MMP26: variants seen among roughly 807,000 people sequenced by gnomAD.
MMP26 encodes the protein matrix metallopeptidase 26.
Under a neutral mutation model 31.0 loss-of-function variants are expected in MMP26, and 33 were observed. That is an observed-to-expected ratio of 1.06 (90% CI 0.81 to 1.42). The LOEUF (loss-of-function observed/expected upper bound fraction) is 1.42. MMP26 is among the 40% of genes most tolerant of loss of function. The pLI, the probability that MMP26 is intolerant of heterozygous loss-of-function variation, is 0.00. For missense variants in MMP26, 347 were observed against 316.1 expected (o/e 1.10, Z -0.74); for synonymous variants, 122 against 114.9 (o/e 1.06, Z -0.40).
At chr11:4,914,139 A>T (rs181304713) in intron 2 of MMP26, 1 of 152,328 alleles carries the variant, frequency 6.6e-6, no homozygotes, top group Non-Finnish European at 1.5e-5. Flanking sequence ...CTATCTGAGG[A>T]TTCTCTACTC....
chr11:4,726,208 G>A (rs1313670181), intron 1 of MMP26, among the ~76,000 whole-genome samples: 2 of 152,138 alleles, frequency 1.3e-5, no homozygotes, highest in African/African-American at 4.8e-5. Context: ...CGGGCATGGT[G>A]GCTCACACCT....
intron 2 of MMP26, among the ~76,000 whole-genome samples, chr11:4,824,109 T>G (rs1240335462): frequency 1.3e-5 from 2 of 152,096 alleles, no homozygotes; most frequent in Non-Finnish European, 2.9e-5. Context: ...GGTAGTAGCA[T>G]TGTGGGACAC....
chr11:4,974,700 T>C (rs1318796622), intron 2 of MMP26, among the ~76,000 whole-genome samples: 1 of 152,132 alleles, frequency 6.6e-6, no homozygotes, highest in Non-Finnish European at 1.5e-5. Flanking sequence ...TTCTTAACTC[T>C]GTATACACCT....
At chr11:4,780,353 G>T (rs888421934) in intron 2 of MMP26, among the ~76,000 whole-genome samples, 3 of 151,820 alleles carry the variant, frequency 2.0e-5, no homozygotes, top group Non-Finnish European at 4.4e-5. Flanking sequence ...ACTTAGTATT[G>T]TCTCCAATTT....
chr11:4,937,313 GTTGCCACT>G (rs1300105726), intron 2 of MMP26: 3 of 152,150 alleles, frequency 2.0e-5, no homozygotes, highest in African/African-American at 7.2e-5. Context: ...CGTCTATTTA[GTTGCCACT>G]TATACATTCA....
At position 4,870,464 on chromosome 11, in the gene MMP26, C is replaced by A. The variant is rs890172891; in HGVS notation, c.-145+103123C>A. Among the ~76,000 whole-genome samples the A allele has an allele frequency of 3.3e-5, 5 of 151,820 alleles. No homozygotes were observed. In the East Asian group the frequency reaches 9.7e-4, roughly 29 times the overall value. The stretch of plus-strand genomic sequence containing the variant: ...TTGAAATATTTTACTGTGATTTAGA[C>A]AATATTAATGTGAAGTAGAGAGTGA... On this transcript the variant is annotated intron_variant, in intron 2 of 7. Transcript: ENST00000380390.
chr11:4,908,487 G>A (rs975465816), intron 2 of MMP26: 1 of 623,414 alleles, frequency 1.6e-6, no homozygotes, highest in South Asian at 1.9e-5. Context: ...AAAAAGTCAA[G>A]AGATATATAA....
chr11:4,923,332 C>T (rs765076793), intron 2 of MMP26: 1 of 1,514,508 alleles, frequency 6.6e-7, no homozygotes, highest in South Asian at 1.3e-5. Flanking sequence ...CAAACAGAAA[C>T]CTGTGGGCTT....
intron 2 of MMP26, among the ~76,000 whole-genome samples, chr11:4,919,670 A>T (rs769919045): frequency 5.3e-5 from 8 of 152,112 alleles, no homozygotes; most frequent in Non-Finnish European, 1.2e-4. Context: ...ATATGGCATA[A>T]CCCCAATTTA....
chr11:4,980,698 T>C (rs185695241), intron 2 of MMP26, among the ~76,000 whole-genome samples: 3 of 152,138 alleles, frequency 2.0e-5, no homozygotes, highest in Non-Finnish European at 4.4e-5. Flanking sequence ...GAAGAAATTA[T>C]TTGAAGAAAA....
chr11:4,939,332 A>G (rs1846174662), intron 2 of MMP26, among the ~76,000 whole-genome samples: 1 of 152,110 alleles, frequency 6.6e-6, no homozygotes, highest in East Asian at 1.9e-4. Context: ...CACTTCACTT[A>G]TTTCATCAAA....
intron 2 of MMP26, chr11:4,912,940 AT>A (rs1023086749): frequency 1.3e-5 from 2 of 148,562 alleles, no homozygotes; most frequent in African/African-American, 2.5e-5. Flanking sequence ...ACTCTTTCAA[AT>A]TGGAAAAGAA....
intron 2 of MMP26, among the ~76,000 whole-genome samples, chr11:4,927,776 T>C (rs2133587768): frequency 6.6e-6 from 1 of 152,250 alleles, no homozygotes; most frequent in African/African-American, 2.4e-5. Flanking sequence ...CAGGGGCCTT[T>C]CCCAAGTCTG....
chr11:4,806,379 G>A (rs1351241060), intron 2 of MMP26, among the ~76,000 whole-genome samples: 7 of 152,046 alleles, frequency 4.6e-5, no homozygotes, highest in African/African-American at 1.2e-4. Context: ...AGGTCTCTAC[G>A]GACTTGCTTT....
intron 2 of MMP26, among the ~76,000 whole-genome samples, chr11:4,954,556 A>G (rs1342342642): frequency 1.6e-5 from 2 of 124,720 alleles, no homozygotes; most frequent in Non-Finnish European, 3.6e-5. Context: ...ATCATAAGAC[A>G]TTTATTTTTA....
rs1173767616 is a variant in MMP26 at position 4,981,753 on chromosome 11, T to C, written c.-144-6315T>C. Among the ~76,000 whole-genome samples the C allele has an allele frequency of 2.0e-5, 3 of 152,132 alleles. No homozygotes were observed. In the East Asian group the frequency reaches 5.8e-4, roughly 29 times the overall value. ...AGCACTTAGCTTAAACACAACCACATTGTATAACTGTAAAAAATTTTTTCT... is the reference window on the plus strand; with the variant it reads ...AGCACTTAGCTTAAACACAACCACACTGTATAACTGTAAAAAATTTTTTCT... On this transcript the variant is annotated intron_variant, in intron 2 of 7. Transcript: ENST00000380390.
At chr11:4,745,447 T>C (rs756440504) in intron 1 of MMP26, among the ~76,000 whole-genome samples, 4 of 152,118 alleles carry the variant, frequency 2.6e-5, no homozygotes, top group Non-Finnish European at 4.4e-5. Flanking sequence ...TTAATAGACT[T>C]TGTTAGATAA....
chr11:4,920,636 A>G (rs1851169783), intron 2 of MMP26, among the ~76,000 whole-genome samples: 1 of 152,210 alleles, frequency 6.6e-6, no homozygotes, highest in South Asian at 2.1e-4. Context: ...ACAATTAAAC[A>G]TAATGCCTTT....
chr11:4,769,088 A>G (rs1848671262), intron 2 of MMP26: 2 of 1,586,408 alleles, frequency 1.3e-6, no homozygotes, highest in African/African-American at 1.3e-5. Flanking sequence ...ATTAGCCATC[A>G]CTGAATGGAC....
Sources: gnomAD v4.1 joint callset for allele counts (sites outside exome capture counted in the v4.1 genomes callset) on GRCh38, gnomAD v4.1.1 for gene constraint, MANE v1.5 for transcripts, NCBI Gene and HGNC (gene_info 2026-07-23, HGNC 2026-07-21) for gene names.